ADGRA2: variants seen among roughly 807,000 people sequenced by gnomAD.
ADGRA2 encodes G-protein coupled receptor 124.
Under a neutral mutation model 98.7 loss-of-function variants are expected in ADGRA2, and 61 were observed. That is an observed-to-expected ratio of 0.62 (90% confidence interval 0.50 to 0.76). ADGRA2 has a LOEUF of 0.76. Among genes scored for constraint, ADGRA2 ranks in the 30% least tolerant of loss-of-function variants. ADGRA2 has a pLI of 0.00. For missense variants in ADGRA2, 1,712 were observed against 1,860.0 expected (o/e 0.92, Z 1.46); for synonymous variants, 858 against 831.5 (o/e 1.03, Z -0.55).
chr8:37,840,725 C>A, intron 17 of ADGRA2, 35 bp from the exon 18 acceptor site: 1 of 1,103,706 alleles, frequency 9.1e-7, no homozygotes, highest in Non-Finnish European at 1.4e-6. Context: ...TCCCTTTCCC[C>A]ATCTCTGGGA....
chr8:37,825,954 G>A (rs1805267859), intron 2 of ADGRA2, among the ~76,000 whole-genome samples: 1 of 152,172 alleles, frequency 6.6e-6, no homozygotes, highest in Non-Finnish European at 1.5e-5. Context: ...CTCCGTGGAG[G>A]TGGAGGTGCC....
chr8:37,831,438 T>C lies in ADGRA2; in HGVS notation c.948T>C (p.Ser316=), dbSNP rs779459952. 6.2e-7 allele frequency: 1 copy of C among 1,611,736 alleles called. No individual in the cohort carries two copies. Among genetic ancestry groups the C allele is most frequent in the East Asian group, 2.2e-5 (1 of 44,900 alleles). Residue 316 remains serine (S), a synonymous_variant, in exon 8 of 19, where the codon TCT becomes TCC. Transcript: ENST00000412232. ...CTFITSELTL[S]HIGVWASGEW... Reference sequence around the variant, plus strand: ...CCACCCGCAGTGAGCTGACGCTGTCTCACATCGGCGTGTGGGCCTCAGGCG... The same window carrying C: ...CCACCCGCAGTGAGCTGACGCTGTCCCACATCGGCGTGTGGGCCTCAGGCG...
At chr8:37,805,868 C>T (rs1804644207) in intron 1 of ADGRA2, among the ~76,000 whole-genome samples, 1 of 151,950 alleles carries the variant, frequency 6.6e-6, no homozygotes, top group Non-Finnish European at 1.5e-5. Flanking sequence ...GACTCCTTCT[C>T]AAACAAAAAC....
In ADGRA2 at chr8:37,840,150, A is replaced by G; in HGVS notation, c.2541A>G (p.Leu847=). ...GCATCACCCTGCACTACTCCTCCCTATCCACGCTGCTCTGGATGGGCGTGA... is the reference window on the plus strand; with the variant it reads ...GCATCACCCTGCACTACTCCTCCCTGTCCACGCTGCTCTGGATGGGCGTGA... The part of the protein sequence containing the change: ...AVGITLHYSS[L]STLLWMGVKA... Residue 847 remains leucine (L), a synonymous_variant, in exon 17 of 19, where the codon CTA becomes CTG. Coordinates refer to ENST00000412232, the MANE Select transcript of ADGRA2 (RefSeq NM_032777.10). 2 of 1,608,460 alleles carry G rather than the reference A, an allele frequency of 1.2e-6. No individual in the cohort carries two copies. Among genetic ancestry groups the G allele is most frequent in the South Asian group, 2.2e-5 (2 of 91,028 alleles).
In ADGRA2 at chr8:37,841,105, C is replaced by T; in HGVS notation, c.2767C>T (p.Pro923Ser). 1 of 1,602,326 alleles carries T rather than the reference C, an allele frequency of 6.2e-7. No homozygotes were observed. ...HSPYCWLVWR[P>S]SLGAFYIPVA... ...CTACAGCTGCTGGCTGGTGTGGCGT[C>T]CAAGCCTTGGCGCCTTCTACATCCC... Residue 923 changes from proline to serine, a missense_variant, in exon 19 of 19, where the codon CCA (proline) becomes TCA (serine). Pro to Ser is a moderately conservative substitution (Grantham distance 74). Transcript: ENST00000412232. The surrounding 1 kb of genome is among the most constrained non-coding windows in gnomAD (Gnocchi z 5.0).
intron 2 of ADGRA2, among the ~76,000 whole-genome samples, chr8:37,821,547 TG>T (rs1286848177): frequency 1.3e-5 from 2 of 152,138 alleles, no homozygotes; most frequent in Non-Finnish European, 2.9e-5. Flanking sequence ...AAGACTTTTC[TG>T]GGGGGCTCTG....
In ADGRA2 at chr8:37,839,013, G is replaced by A. The variant is rs1363429268; in HGVS notation, c.2317G>A (p.Val773Ile). The A allele has an allele frequency of 3.7e-6, 6 of 1,602,712 alleles. No individual in the cohort carries two copies. Among genetic ancestry groups the A allele is most frequent in the Non-Finnish European group, 5.1e-6 (6 of 1,174,174 alleles). The change falls in exon 15 of 19, where the codon GTA becomes ATA. Residue 773 changes from valine to isoleucine, a missense_variant. Val to Ile is a conservative substitution (Grantham distance 29). Transcript: ENST00000412232. ...GGAGAGLHPV[V>I]YPCTALLLLC... ...CGCCGGGGCAGGGCTGCACCCCGTG[G>A]TATACCCCTGCACGGCCTTGCTGCT... is the stretch of plus-strand genomic sequence containing the variant.
intron 2 of ADGRA2, among the ~76,000 whole-genome samples, chr8:37,818,549 A>G (rs1805040856): frequency 6.6e-6 from 1 of 152,264 alleles, no homozygotes; most frequent in Non-Finnish European, 1.5e-5. Flanking sequence ...ATGTAGGAGC[A>G]GTACTAGAGT....
chr8:37,805,651 C>T (rs781041352), intron 1 of ADGRA2, among the ~76,000 whole-genome samples: 25 of 151,756 alleles, frequency 1.6e-4, no homozygotes, highest in Non-Finnish European at 2.6e-4. Flanking sequence ...GGGTGGATCA[C>T]GAGGTCAGGA....
chr8:37,820,302 C>G (rs1805093233), intron 2 of ADGRA2, among the ~76,000 whole-genome samples: 1 of 152,228 alleles, frequency 6.6e-6, no homozygotes, highest in Non-Finnish European at 1.5e-5. Flanking sequence ...TGACACAAAA[C>G]TAACCATCAC....
At chr8:37,805,328 G>A (rs988826367) in intron 1 of ADGRA2, among the ~76,000 whole-genome samples, 6 of 152,228 alleles carry the variant, frequency 3.9e-5, no homozygotes, top group African/African-American at 1.4e-4. Context: ...AGCTTACAAC[G>A]CCGGACAGGA....
At position 37,814,183 on chromosome 8, in the gene ADGRA2, G is replaced by C. The variant is rs940566621; in HGVS notation, c.267-713G>C. The stretch of plus-strand genomic sequence containing the variant: ...GTGGGTGGGCGGAGATGAGACACTC[G>C]GTCTCTCTCAGTCACTTGGGGCCCC... On this transcript the variant is annotated intron_variant, in intron 1 of 18. Transcript: ENST00000412232. This position sits in a 1 kb window ranked among gnomAD's most constrained non-coding sequence, Gnocchi z 4.3. 6.6e-6 allele frequency among the ~76,000 whole-genome samples: 1 copy of C among 152,152 alleles called. No homozygotes were observed. Among genetic ancestry groups the C allele is most frequent in the Non-Finnish European group, 1.5e-5 (1 of 68,038 alleles).
intron 8 of ADGRA2, among the ~76,000 whole-genome samples, chr8:37,832,153 G>T (rs1330173111): frequency 6.6e-6 from 1 of 151,860 alleles, no homozygotes; most frequent in African/African-American, 2.4e-5. Context: ...TCACTCTGGA[G>T]TGCAATGGCA....
Position 37,844,321 on chromosome 8 carries a change from C to T in ADGRA2, c.*1966C>T, listed in dbSNP as rs766235754. 3.7e-5 allele frequency: 29 copies of T among 776,694 alleles called. No homozygotes were observed. The highest frequency in any genetic ancestry group is 5.6e-5 in the Admixed American group (2 of 35,600). The allele number at this position is 776,694 out of a possible 1,614,324, so 48.1% of individuals were successfully genotyped here. A position where few individuals can be genotyped will look rare whatever the true frequency, so the allele number is the denominator to read the frequency against. ...TCTCCTACCTATAGTCATCCCTGCA[C>T]TCCTGACTTTACTCCAGGACCCAGG... On this transcript the variant is annotated 3_prime_UTR_variant, in exon 19 of 19. Coordinates refer to ENST00000412232, the MANE Select transcript of ADGRA2 (RefSeq NM_032777.10).
chr8:37,839,437 T>G, intron 15 of ADGRA2, 62 bp from the exon 16 acceptor site: 1 of 1,600,850 alleles, frequency 6.2e-7, no homozygotes, highest in Non-Finnish European at 8.5e-7. Context: ...CCAGTGGCCT[T>G]GAGACCCCAT....
Position 37,796,888 on chromosome 8 carries a change from T to G in ADGRA2, c.-381T>G, listed in dbSNP as rs1408390433. ...CGCGGCGCGGAGCTGCCTCCATCCA[T>G]GGCACGGAGCGGCGGCGGCGGCGGC... On this transcript the variant is annotated 5_prime_UTR_variant, in exon 1 of 19. An upstream start codon of the reference 5' UTR is lost. Transcript: ENST00000412232. The G allele has an allele frequency of 6.5e-6, 1 of 153,422 alleles. No individual in the cohort carries two copies. The highest frequency in any genetic ancestry group is 1.4e-5 in the Non-Finnish European group (1 of 68,988). The allele number at this position is 153,422 out of a possible 1,614,324, so 9.5% of individuals were successfully genotyped here.
chr8:37,800,360 G>A (rs544726102), intron 1 of ADGRA2, among the ~76,000 whole-genome samples: 74 of 152,246 alleles, frequency 4.9e-4, no homozygotes, highest in South Asian at 1.0e-3. Flanking sequence ...GGATTTATGC[G>A]GATCACACCT....
At position 37,835,252 on chromosome 8, in the gene ADGRA2, AGGAG is replaced by A; in HGVS notation, c.1698_1701del (p.Gly567CysfsTer124). ...GGGCCTGACCTGCACAGCCTTCCAG[AGGAG>A]GGAGGGAGGGGTGCCGGGCACACGG... On this transcript the variant is annotated frameshift_variant, in exon 12 of 19. Transcript: ENST00000412232. LOFTEE classifies it high-confidence loss of function. The A allele has an allele frequency of 6.2e-7, 1 of 1,613,820 alleles. No homozygotes were observed. The highest frequency in any genetic ancestry group is 8.5e-7 in the Non-Finnish European group (1 of 1,179,906).
In ADGRA2 at chr8:37,833,175, C is replaced by T. The variant is rs189949429; in HGVS notation, c.1263C>T (p.Asn421=). 6.8e-5 allele frequency: 110 copies of T among 1,613,028 alleles called. No homozygotes were observed. In the East Asian group the frequency reaches 1.2e-3, roughly 17 times the overall value. Residue 421 remains asparagine, a synonymous_variant, in exon 9 of 19, where the codon AAC becomes AAT. Coordinates refer to ENST00000412232, the MANE Select transcript of ADGRA2 (RefSeq NM_032777.10). ...PGDYSHCLYT[N]DITRVLYTFV... ...ACTACTCCCACTGTCTCTACACCAA[C>T]GACATCACCAGGGTGCTGTACACCT...
Sources: gnomAD v4.1 joint callset for allele counts (sites outside exome capture counted in the v4.1 genomes callset) on GRCh38, gnomAD v4.1.1 for gene constraint, Gnocchi (gnomAD v3.1) non-coding constraint, MANE v1.5 for transcripts, NCBI Gene and HGNC (gene_info 2026-07-23, HGNC 2026-07-21) for gene names.